RIMS4: variants seen among roughly 807,000 people sequenced by gnomAD.
RIMS4 encodes regulating synaptic membrane exocytosis 4.
In RIMS4, 9 loss-of-function variants were observed where a neutral mutation model predicts 29.0. The ratio of observed to expected loss-of-function variants is 0.31; its 90% CI spans 0.19 to 0.54. The LOEUF (loss-of-function observed/expected upper bound fraction) is 0.54, where lower values mean the gene tolerates loss of function less well. Ranked by LOEUF, RIMS4 falls within the 20% of genes least tolerant of loss-of-function variation. RIMS4 has a pLI of 0.94. For synonymous variants in RIMS4, 130 were observed against 152.9 expected, an observed-to-expected ratio of 0.85 and a Z score of 1.10; for missense variants, 193 against 365.7, an observed-to-expected ratio of 0.53 and a Z score of 3.85.
At chr20:44,780,636 A>G (rs1308987788) in intron 1 of RIMS4, among the ~76,000 whole-genome samples, 1 of 152,194 alleles carries the variant, frequency 6.6e-6, no homozygotes, top group African/African-American at 2.4e-5. Context: ...TATTGTCTTC[A>G]TTTTCAGAAG....
intron 1 of RIMS4, among the ~76,000 whole-genome samples, chr20:44,782,756 A>C (rs569313619): frequency 6.6e-6 from 1 of 152,316 alleles, no homozygotes; most frequent in East Asian, 1.9e-4. Context: ...AAACTTTTAA[A>C]AGAAAAGGAA....
At position 44,801,431 on chromosome 20, in the gene RIMS4, G is replaced by A. The variant is rs564907846; in HGVS notation, c.97+8744C>T. Among the ~76,000 whole-genome samples, 23 of 152,148 alleles carry A rather than the reference G, an allele frequency of 1.5e-4. No individual in the cohort carries two copies. The South Asian group carries it at 1.9e-3, about 12-fold the overall frequency. On this transcript the variant is annotated intron_variant, in intron 1 of 5. Transcript: ENST00000372851. Reference sequence around the variant, plus strand: ...ATAAACTGACTCAGTAAACTCCCCCGGGAGCATTTCCCAGCACTTTGCCCC... The same window carrying A: ...ATAAACTGACTCAGTAAACTCCCCCAGGAGCATTTCCCAGCACTTTGCCCC...
intron 1 of RIMS4, among the ~76,000 whole-genome samples, chr20:44,784,508 C>CTTAG (rs984189762): frequency 6.6e-6 from 1 of 152,206 alleles, no homozygotes; most frequent in African/African-American, 2.4e-5. Context: ...TGATGTTGGC[C>CTTAG]TTAGGCAGCA....
chr20:44,763,099 C>T lies in RIMS4; in HGVS notation c.237-4915G>A, dbSNP rs1351228722. 2.0e-5 allele frequency among the ~76,000 whole-genome samples: 3 copies of T among 152,188 alleles called. No individual in the cohort carries two copies. The East Asian group carries it at 5.8e-4, about 29-fold the overall frequency. Reference sequence around the variant, plus strand: ...CATATGTGCTACAACTTTGACAAGTCCTTGTATGCAACAGGAGCTCAATAG... The same window carrying T: ...CATATGTGCTACAACTTTGACAAGTTCTTGTATGCAACAGGAGCTCAATAG... On this transcript the variant is annotated intron_variant, in intron 2 of 5. Coordinates refer to ENST00000372851, the MANE Select transcript of RIMS4 (RefSeq NM_182970.4).
chr20:44,792,405 G>A (rs1364184471), intron 1 of RIMS4, among the ~76,000 whole-genome samples: 1 of 151,692 alleles, frequency 6.6e-6, no homozygotes, highest in Non-Finnish European at 1.5e-5. Context: ...TGATTCTCCT[G>A]CCTCAGCCTC....
At chr20:44,762,858 T>C (rs1047277663) in intron 2 of RIMS4, among the ~76,000 whole-genome samples, 2 of 152,224 alleles carry the variant, frequency 1.3e-5, no homozygotes, top group Non-Finnish European at 1.5e-5. Flanking sequence ...TACAACTCAC[T>C]AGCCAACTGC....
At chr20:44,798,242 A>C (rs1274008888) in intron 1 of RIMS4, among the ~76,000 whole-genome samples, 2 of 152,256 alleles carry the variant, frequency 1.3e-5, no homozygotes, top group Non-Finnish European at 2.9e-5. Context: ...CATGAGATAC[A>C]TGTATATATT....
At chr20:44,767,836 C>T (rs1316193242) in intron 2 of RIMS4, among the ~76,000 whole-genome samples, 2 of 152,190 alleles carry the variant, frequency 1.3e-5, no homozygotes, top group African/African-American at 4.8e-5. Context: ...CAAGAGTTAG[C>T]CACGGCCATT....
intron 1 of RIMS4, among the ~76,000 whole-genome samples, chr20:44,784,280 G>A (rs1248438547): frequency 3.9e-5 from 6 of 152,192 alleles, no homozygotes; most frequent in Non-Finnish European, 5.9e-5. Flanking sequence ...GGATGGGGTG[G>A]GGTTGGAAAT....
At chr20:44,806,445 G>T (rs1681878026) in intron 1 of RIMS4, among the ~76,000 whole-genome samples, 1 of 152,178 alleles carries the variant, frequency 6.6e-6, no homozygotes, top group South Asian at 2.1e-4. Context: ...CTCTTGACTG[G>T]CAGGCGAGTC....
At chr20:44,791,935 C>G (rs1462769711) in intron 1 of RIMS4, among the ~76,000 whole-genome samples, 1 of 152,162 alleles carries the variant, frequency 6.6e-6, no homozygotes, top group Non-Finnish European at 1.5e-5. Context: ...CCTGCTTTGC[C>G]CCACTGAGAC....
chr20:44,803,657 A>AG (rs1057341969), intron 1 of RIMS4, among the ~76,000 whole-genome samples: 1 of 131,038 alleles, frequency 7.6e-6, no homozygotes, highest in African/African-American at 2.9e-5. Context: ...TCAGAAGGGG[A>AG]GGGGGGAGGA....
chr20:44,805,896 C>G (rs1424914590), intron 1 of RIMS4, among the ~76,000 whole-genome samples: 1 of 152,152 alleles, frequency 6.6e-6, no homozygotes, highest in Non-Finnish European at 1.5e-5. Flanking sequence ...CGCCTCATCA[C>G]CCAGAAGTAC....
chr20:44,782,619 C>T (rs925408074), intron 1 of RIMS4, among the ~76,000 whole-genome samples: 8 of 152,160 alleles, frequency 5.3e-5, no homozygotes, highest in Non-Finnish European at 8.8e-5. Context: ...TTCTATCCCA[C>T]GAACTCATCT....
intron 2 of RIMS4, among the ~76,000 whole-genome samples, chr20:44,768,012 T>C (rs1455890208): frequency 6.6e-6 from 1 of 152,188 alleles, no homozygotes; most frequent in Non-Finnish European, 1.5e-5. Context: ...ACACTTCGAA[T>C]AGCAAGGGCT....
At chr20:44,778,363 G>A (rs1253096440) in intron 1 of RIMS4, among the ~76,000 whole-genome samples, 1 of 152,240 alleles carries the variant, frequency 6.6e-6, no homozygotes, top group East Asian at 1.9e-4. Flanking sequence ...AGAGGGGCAG[G>A]AGTTAAAGGC....
chr20:44,807,459 T>A (rs2066303633), intron 1 of RIMS4, among the ~76,000 whole-genome samples: 1 of 152,114 alleles, frequency 6.6e-6, no homozygotes, highest in Non-Finnish European at 1.5e-5. Flanking sequence ...AAAAGATGCA[T>A]TTCAACATGA....
intron 1 of RIMS4, among the ~76,000 whole-genome samples, chr20:44,808,709 T>C (rs947123744): frequency 2.0e-5 from 3 of 152,206 alleles, no homozygotes; most frequent in Non-Finnish European, 2.9e-5. Context: ...ACAGGTCTAT[T>C]GGGGATCTGC....
intron 1 of RIMS4, among the ~76,000 whole-genome samples, chr20:44,773,742 C>G (rs1217964610): frequency 1.3e-5 from 2 of 152,216 alleles, no homozygotes; most frequent in African/African-American, 4.8e-5. Context: ...CAAAGCAGTT[C>G]CCAACCAGGC....
Sources: allele counts gnomAD v4.1 joint callset (sites outside exome capture counted in the v4.1 genomes callset), GRCh38; gene constraint gnomAD v4.1.1; transcripts MANE v1.5; gene names NCBI Gene and HGNC (gene_info 2026-07-23, HGNC 2026-07-21).